Variants in KRT34 observed in about 807,000 individuals in gnomAD.
KRT34 encodes keratin, type I cuticular Ha4.
In KRT34, 31 loss-of-function variants were observed where a neutral mutation model predicts 41.7. That is an observed-to-expected ratio of 0.74 (90% CI 0.56 to 1.00). The LOEUF (loss-of-function observed/expected upper bound fraction) is 1.00, where lower values mean the gene tolerates loss of function less well. Among genes scored for constraint, KRT34 ranks in the 50% least tolerant of loss-of-function variants. The probability of loss-of-function intolerance (pLI) is 0.00; values close to 1 mark genes in which losing one functional copy is unlikely to be tolerated. For synonymous variants in KRT34, 224 were observed against 212.9 expected (o/e 1.05, Z -0.45); for missense variants, 523 against 500.3 (o/e 1.05, Z -0.43).
At chr17:41,379,204 G>T (rs1567675838) in intron 5 of KRT34, 28 bp from the exon 6 acceptor site, 1 of 1,613,658 alleles carries the variant, frequency 6.2e-7, no homozygotes, top group South Asian at 1.1e-5. Flanking sequence ...AGGAATGTCA[G>T]AGAGCTGCTC....
At chr17:41,383,420 T>G (rs115400101), upstream of KRT34, among the ~76,000 whole-genome samples, 1 of 152,204 alleles carries the variant, frequency 6.6e-6, no homozygotes, top group Admixed American at 6.5e-5. Context: ...TGACAGAGAC[T>G]ATAGTGTCCA....
intron 3 of KRT34, among the ~76,000 whole-genome samples, chr17:41,380,668 T>TTGTTTCA (rs2017961188): frequency 6.6e-6 from 1 of 152,230 alleles, no homozygotes; most frequent in African/African-American, 2.4e-5. Flanking sequence ...CTTGTTTCAC[T>TTGTTTCA]CTGTCTTGTT....
upstream of KRT34, chr17:41,382,354 G>A: frequency 6.8e-6 from 11 of 1,612,020 alleles, no homozygotes; most frequent in Non-Finnish European, 9.3e-6. Context: ...ATTGTGGGTG[G>A]GGGCTTGGCA....
At chr17:41,378,863 T>A in intron 6 of KRT34, 93 bp downstream of exon 6, 2 of 1,524,220 alleles carry the variant, frequency 1.3e-6, no homozygotes, top group Non-Finnish European at 1.8e-6. Context: ...TTAATGTGTG[T>A]TGCCTGACTA....
Position 41,381,758 on chromosome 17 carries a change from A to C in KRT34, c.386T>G (p.Val129Gly), listed in dbSNP as rs1431441611. The change falls in exon 2 of 7, where the codon GTG becomes GGG. Residue 129 changes from valine to glycine, a missense_variant. Physicochemically the swap from Val to Gly is moderately radical, Grantham distance 109. Transcript: ENST00000394001. ...GGCCAGCTTGGCATTGTCAATGTTC[A>C]CCACCAGCCTGGCATTCTCAGCCTT... The part of the protein sequence containing the change: ...CAKAENARLV[V>G]NIDNAKLASD... 2 of 1,614,238 alleles carry C rather than the reference A, an allele frequency of 1.2e-6. No homozygotes were observed.
Position 41,379,496 on chromosome 17 carries a change from G to A in KRT34, c.751-18C>T, listed in dbSNP as rs1044353874. On this transcript the variant is annotated intron_variant, in intron 4 of 6. Coordinates refer to ENST00000394001, the MANE Select transcript of KRT34 (RefSeq NM_001386014.1). Reference sequence around the variant, plus strand: ...TCCTCGGTCTGAAACACCCAAGTGGGGAAAGGATCAGACCCTGTCTCCAGG... The same window carrying A: ...TCCTCGGTCTGAAACACCCAAGTGGAGAAAGGATCAGACCCTGTCTCCAGG... 8 of 1,614,114 alleles carry A rather than the reference G, an allele frequency of 5.0e-6. No homozygotes were observed. The East Asian group carries it at 6.7e-5, about 13-fold the overall frequency.
rs1339831118 is a variant in KRT34, at chr17:41,381,771, C to T, written c.373G>A (p.Ala125Thr). The change falls in exon 2 of 7, where the codon GCC becomes ACC. Residue 125 changes from alanine (A) to threonine (T), a missense_variant. Ala to Thr is a moderately conservative substitution (Grantham distance 58, BLOSUM62 0). Transcript: ENST00000394001. ...TTGTCAATGTTCACCACCAGCCTGG[C>T]ATTCTCAGCCTTGGCACACAGAATC... ...QKILCAKAEN[A>T]RLVVNIDNAK... 5.0e-6 allele frequency: 8 copies of T among 1,614,110 alleles called. No individual in the cohort carries two copies. The highest frequency in any genetic ancestry group is 6.8e-6 in the Non-Finnish European group (8 of 1,180,040).
chr17:41,379,004 T>C lies in KRT34; in HGVS notation c.1049A>G (p.Glu350Gly), dbSNP rs749770713. ...GCTCCGGTACGTGTTGATCTCACAC[T>C]CCAGCCGGGCACGCACGTCCAGCAG... Reference protein sequence around the residue: ...QVLLDVRARLECEINTYRSLL... With the variant: ...QVLLDVRARLGCEINTYRSLL... The change falls in exon 6 of 7, where the codon GAG becomes GGG. Residue 350 changes from glutamate (E) to glycine (G), a missense_variant. Physicochemically the swap from Glu to Gly is moderately conservative, Grantham distance 98. Transcript: ENST00000394001. 8 of 1,613,606 alleles carry C rather than the reference T, an allele frequency of 5.0e-6. No individual in the cohort carries two copies. The highest frequency in any genetic ancestry group is 6.8e-6 in the Non-Finnish European group (8 of 1,179,880).
chr17:41,379,222 G>A (rs898886072), intron 5 of KRT34, 46 bp from the exon 6 acceptor site: 1 of 1,612,008 alleles, frequency 6.2e-7, no homozygotes, highest in Non-Finnish European at 8.5e-7. Flanking sequence ...CTCCTTCAAA[G>A]GGTTTCTTCA....
At chr17:41,383,083 G>A (rs184580050), upstream of KRT34, among the ~76,000 whole-genome samples, 7 of 151,180 alleles carry the variant, frequency 4.6e-5, no homozygotes, top group Non-Finnish European at 8.8e-5. Flanking sequence ...GCAGTGGCAC[G>A]ATCTCGGCTC....
Position 41,379,404 on chromosome 17 carries a change from C to A in KRT34, c.825G>T (p.Leu275=). The A allele has an allele frequency of 6.2e-7, 1 of 1,613,792 alleles. No homozygotes were observed. Among genetic ancestry groups the A allele is most frequent in the South Asian group, 1.1e-5 (1 of 91,054 alleles). The change falls in exon 5 of 7, where the codon CTG becomes CTT. Residue 275 remains leucine (L), a synonymous_variant. Transcript: ENST00000394001. ...LQSCQAEIIE[L]RRTVNALEIE... is the part of the protein sequence containing the mutation. Reference sequence around the variant, plus strand: ...TCTCCAGGGCGTTGACTGTGCGTCTCAGCTCGATGATCTCCGCCTGGCAGG... The same window carrying A: ...TCTCCAGGGCGTTGACTGTGCGTCTAAGCTCGATGATCTCCGCCTGGCAGG...
upstream of KRT34, chr17:41,382,451 C>A: frequency 8.4e-7 from 1 of 1,194,146 alleles, no homozygotes; most frequent in Non-Finnish European, 1.2e-6. Context: ...CCCCCTCAAC[C>A]CATAAAATTA....
At chr17:41,381,531 A>C (rs1242713481) in intron 2 of KRT34, among the ~76,000 whole-genome samples, 182 bp downstream of exon 2, 1 of 152,072 alleles carries the variant, frequency 6.6e-6, no homozygotes, top group Non-Finnish European at 1.5e-5. Flanking sequence ...AAACACTTCC[A>C]AAAAAAACCA....
upstream of KRT34, chr17:41,382,511 G>A (rs1597701597): frequency 1.4e-6 from 1 of 730,116 alleles, no homozygotes; most frequent in East Asian, 2.7e-5. Context: ...CTAGTGGTTG[G>A]TGAAATCAGA....
chr17:41,382,367 C>A (rs143709400), upstream of KRT34: 11 of 1,609,466 alleles, frequency 6.8e-6, no homozygotes, highest in Non-Finnish European at 8.5e-6. Flanking sequence ...GCTTGGCATA[C>A]AGCATAGTTT....
chr17:41,381,706 A>G lies in KRT34; in HGVS notation c.431+7T>C. 1 of 1,613,702 alleles carries G rather than the reference A, an allele frequency of 6.2e-7. No homozygotes were observed. Among genetic ancestry groups the G allele is most frequent in the South Asian group, 1.1e-5 (1 of 91,064 alleles). ...AAGAACCATAGGGACCTTGAAGTTC[A>G]ACATACTTGCTTCTGAAGTCGTCAG... On this transcript the variant is annotated splice_region_variant and intron_variant, in intron 2 of 6. Coordinates refer to ENST00000394001, the MANE Select transcript of KRT34 (RefSeq NM_001386014.1).
rs369048328 is a variant in KRT34, at chr17:41,379,570, C to G, written c.750G>C (p.Gln250His). ...RREVEQWFATQTEELNKQVVS... is the reference protein window; with the variant it reads ...RREVEQWFATHTEELNKQVVS... Reference sequence around the variant, plus strand: ...AGTGGCCATGTGCTTAGATGCCCACCTGCGTGGCGAACCATTGCTCCACTT... The same window carrying G: ...AGTGGCCATGTGCTTAGATGCCCACGTGCGTGGCGAACCATTGCTCCACTT... Residue 250 changes from glutamine to histidine, a missense_variant and splice_region_variant, in exon 4 of 7, where the codon CAG (glutamine) becomes CAC (histidine). Physicochemically the swap from Gln to His is conservative, Grantham distance 24. Transcript: ENST00000394001. The G allele has an allele frequency of 3.1e-6, 5 of 1,613,750 alleles. No individual in the cohort carries two copies. The highest frequency in any genetic ancestry group is 4.2e-6 in the Non-Finnish European group (5 of 1,179,830).
rs1597696693 is a variant in KRT34, at chr17:41,377,818, T to C, written c.*241A>G. 2.0e-6 allele frequency: 1 copy of C among 499,530 alleles called. No homozygotes were observed. Among genetic ancestry groups the C allele is most frequent in the East Asian group, 2.9e-5 (1 of 34,710 alleles). The allele number at this position is 499,530 out of a possible 1,614,324, so 30.9% of individuals were successfully genotyped here. A position where few individuals can be genotyped will look rare whatever the true frequency, so the allele number is the denominator to read the frequency against. On this transcript the variant is annotated 3_prime_UTR_variant, in exon 7 of 7. Transcript: ENST00000394001. ...AACTGGAGCTCAGATTACAGGGAGC[T>C]GAACATCTTTAGAAACAAACAGGCT...
chr17:41,378,177 T>C, intron 6 of KRT34, 31 bp from the exon 7 acceptor site: 3 of 1,482,330 alleles, frequency 2.0e-6, no homozygotes, highest in Non-Finnish European at 2.8e-6. Flanking sequence ...AGAATGGCTT[T>C]AGGAGGAGGT....
Sources: allele counts gnomAD v4.1 joint callset (sites outside exome capture counted in the v4.1 genomes callset), GRCh38; gene constraint gnomAD v4.1.1; transcripts MANE v1.5; gene names NCBI Gene and HGNC (gene_info 2026-07-23, HGNC 2026-07-21).